DDX10: variants seen among roughly 807,000 people sequenced by gnomAD.
DDX10 encodes the protein probable ATP-dependent RNA helicase DDX10.
DDX10 carries 74 observed loss-of-function variants against 104.3 expected under a neutral mutation model. The observed-to-expected ratio is 0.71, with a 90% CI of 0.59 to 0.86. The LOEUF (loss-of-function observed/expected upper bound fraction) is 0.86. Among genes scored for constraint, DDX10 ranks in the 40% least tolerant of loss-of-function variants. DDX10 has a pLI of 0.00. For missense variants in DDX10, 952 were observed against 1,040.0 expected, an observed-to-expected ratio of 0.92 and a Z score of 1.16; for synonymous variants, 351 against 353.4, an observed-to-expected ratio of 0.99 and a Z score of 0.08.
chr11:108,763,315 C>T (rs1207968054), intron 13 of DDX10, among the ~76,000 whole-genome samples: 1 of 152,116 alleles, frequency 6.6e-6, no homozygotes, highest in East Asian at 1.9e-4. Context: ...GAAGGTCATC[C>T]TCACTTGGGC....
chr11:108,693,007 A>G (rs1480331755), intron 8 of DDX10, among the ~76,000 whole-genome samples: 3 of 152,196 alleles, frequency 2.0e-5, no homozygotes, highest in Non-Finnish European at 4.4e-5. Context: ...TCAACCCGTC[A>G]TCTACATTAG....
intron 16 of DDX10, among the ~76,000 whole-genome samples, chr11:108,878,086 A>T (rs1863176727): frequency 6.6e-6 from 1 of 152,240 alleles, no homozygotes; most frequent in South Asian, 2.1e-4. Flanking sequence ...AATAATTTTC[A>T]TGACAAAATA....
At chr11:108,782,554 G>A (rs996140191) in intron 13 of DDX10, among the ~76,000 whole-genome samples, 1 of 152,040 alleles carries the variant, frequency 6.6e-6, no homozygotes, top group African/African-American at 2.4e-5. Context: ...GTTTTTTAAT[G>A]TTAATTTGTG....
intron 17 of DDX10, chr11:108,921,457 A>G (rs952014228): frequency 1.3e-5 from 2 of 152,130 alleles, no homozygotes; most frequent in African/African-American, 4.8e-5. Context: ...AGATCTTATG[A>G]TGTCAGCTTT....
intron 17 of DDX10, among the ~76,000 whole-genome samples, chr11:108,931,611 AAAGTT>A: frequency 6.6e-6 from 1 of 152,204 alleles, no homozygotes. Flanking sequence ...AGTTACCTGT[AAAGTT>A]AAGGGGATAA....
intron 6 of DDX10, among the ~76,000 whole-genome samples, chr11:108,685,159 C>G (rs1398284533): frequency 6.6e-6 from 1 of 151,784 alleles, no homozygotes; most frequent in African/African-American, 2.4e-5. Context: ...GTTGCCTGTT[C>G]ACTCTGATGG....
chr11:108,721,720 T>G (rs1275412491), intron 12 of DDX10, among the ~76,000 whole-genome samples: 1 of 152,244 alleles, frequency 6.6e-6, no homozygotes. Flanking sequence ...AAAGCAGTGC[T>G]GTGTATGTAA....
At chr11:108,757,033 A>G (rs2094345205) in intron 13 of DDX10, among the ~76,000 whole-genome samples, 1 of 152,082 alleles carries the variant, frequency 6.6e-6, no homozygotes, top group Non-Finnish European at 1.5e-5. Context: ...AGATGATTGT[A>G]GTCTGAGTCT....
chr11:108,874,564 G>A (rs77377900), intron 16 of DDX10, among the ~76,000 whole-genome samples: 2 of 151,028 alleles, frequency 1.3e-5, no homozygotes, highest in African/African-American at 2.4e-5. Context: ...TTAAGTTGAG[G>A]TATTGCTTTG....
Position 108,764,855 on chromosome 11 carries a change from C to T in DDX10, c.1965+41393C>T, listed in dbSNP as rs571703189. 3.0e-4 allele frequency among the ~76,000 whole-genome samples: 46 copies of T among 152,160 alleles called. No homozygotes were observed. The South Asian group carries it at 8.7e-3, about 29-fold the overall frequency. ...TCATAAAATAACTAATTGAATAAAACGACTTGAATTGTCATCTGTAGTGAT... is the reference window on the plus strand; with the variant it reads ...TCATAAAATAACTAATTGAATAAAATGACTTGAATTGTCATCTGTAGTGAT... On this transcript the variant is annotated intron_variant, in intron 13 of 17. Coordinates refer to ENST00000322536, the MANE Select transcript of DDX10 (RefSeq NM_004398.4).
intron 10 of DDX10, among the ~76,000 whole-genome samples, chr11:108,712,715 A>G (rs1303536623): frequency 6.6e-6 from 1 of 152,256 alleles, no homozygotes; most frequent in East Asian, 1.9e-4. Context: ...GAAAAAACTT[A>G]GATTAAGAAT....
At chr11:108,764,494 CCCGTCTCTACTAAAAATACAAA>C (rs1183104602) in intron 13 of DDX10, among the ~76,000 whole-genome samples, 1 of 152,048 alleles carries the variant, frequency 6.6e-6, no homozygotes. Flanking sequence ...ATGGTGAAAC[CCCGTCTCTACTAAAAATACAAA>C]AAATTAGTTG....
chr11:108,692,512 C>T (rs10890884), intron 8 of DDX10, among the ~76,000 whole-genome samples: 18,687 of 151,950 alleles, frequency 0.12, 1,562 homozygotes, highest in East Asian at 0.27. Flanking sequence ...GGGAATGGGA[C>T]GGGGATGGAC....
intron 16 of DDX10, among the ~76,000 whole-genome samples, chr11:108,876,349 G>A (rs753150717): frequency 2.0e-5 from 3 of 152,186 alleles, no homozygotes; most frequent in African/African-American, 4.8e-5. Flanking sequence ...TAAGTGACTC[G>A]TCTAAAGTTG....
At chr11:108,744,046 C>G (rs370265031) in intron 13 of DDX10, among the ~76,000 whole-genome samples, 3 of 152,212 alleles carry the variant, frequency 2.0e-5, no homozygotes, top group East Asian at 1.9e-4. Flanking sequence ...TTTATATGTT[C>G]TTGCCAACAG....
In DDX10 at chr11:108,693,608, TACTG is replaced by T. The variant is rs2094255769; in HGVS notation, c.1223+12_1223+15del. 6.3e-7 allele frequency: 1 copy of T among 1,596,298 alleles called. No individual in the cohort carries two copies. The highest frequency in any genetic ancestry group is 8.6e-7 in the Non-Finnish European group (1 of 1,163,850). ...AGCAGGTAGAACTGCCAGGTAGGTG[TACTG>T]ACTAATTTCTTTTCTTTTGCTACTA... On this transcript the variant is annotated intron_variant, in intron 9 of 17. Coordinates refer to ENST00000322536, the MANE Select transcript of DDX10 (RefSeq NM_004398.4).
intron 16 of DDX10, among the ~76,000 whole-genome samples, chr11:108,884,633 C>T (rs1234727144): frequency 3.9e-5 from 6 of 152,188 alleles, no homozygotes. Context: ...TTTTATGAAA[C>T]TCTTCTTCCT....
intron 6 of DDX10, among the ~76,000 whole-genome samples, chr11:108,680,061 T>C (rs1435866937): frequency 6.6e-6 from 1 of 152,232 alleles, no homozygotes; most frequent in African/African-American, 2.4e-5. Flanking sequence ...GAACACATTT[T>C]ATGAAGTGCA....
chr11:108,743,555 T>C (rs2094327860), intron 13 of DDX10, among the ~76,000 whole-genome samples: 1 of 152,182 alleles, frequency 6.6e-6, no homozygotes, highest in African/African-American at 2.4e-5. Flanking sequence ...ATTAACTTAT[T>C]GTATTGAACT....
Sources: gnomAD v4.1 joint callset for allele counts (sites outside exome capture counted in the v4.1 genomes callset) on GRCh38, gnomAD v4.1.1 for gene constraint, MANE v1.5 for transcripts, NCBI Gene and HGNC (gene_info 2026-07-23, HGNC 2026-07-21) for gene names.